The following RIMKLA variants were observed in gnomAD, a reference collection of about 807,000 sequenced individuals.
The protein encoded by RIMKLA is ribosomal modification protein rimK like family member A, also known as N-acetylaspartylglutamate synthase A.
A neutral mutation model predicts 32.7 loss-of-function variants in RIMKLA; 14 were observed. The observed-to-expected ratio is 0.43, with a 90% CI of 0.28 to 0.67. RIMKLA has a LOEUF of 0.67. Among genes scored for constraint, RIMKLA ranks in the 30% least tolerant of loss-of-function variants. RIMKLA has a pLI of 0.18. For missense variants in RIMKLA, 410 were observed against 519.0 expected (o/e 0.79, Z 2.04); for synonymous variants, 176 against 204.1 (o/e 0.86, Z 1.18).
chr1:42,417,008 T>G lies in RIMKLA; in HGVS notation c.*2034T>G, dbSNP rs1643254757. ...AAGATATGTACCTTATCTTTACCAC[T>G]CAGGGTGGCTTTAAAAGACGGACAG... On this transcript the variant is annotated 3_prime_UTR_variant, in exon 5 of 5. Transcript: ENST00000431473. 6.6e-6 allele frequency: 1 copy of G among 152,228 alleles called. No individual in the cohort carries two copies. Among genetic ancestry groups the G allele is most frequent in the African/African-American group, 2.4e-5 (1 of 41,462 alleles). The allele number at this position is 152,228 out of a possible 1,614,324, so 9.4% of individuals were successfully genotyped here.
At chr1:42,396,236 C>CAAAAAAAAAAAAAAAAAAAAAAAAAAAAA (rs11363612) in intron 1 of RIMKLA, among the ~76,000 whole-genome samples, 1 of 60,902 alleles carries the variant, frequency 1.6e-5, no homozygotes, top group Non-Finnish European at 2.7e-5. Flanking sequence ...AACTCCATCT[C>CAAAAAAAAAAAAAAAAAAAAAAAAAAAAA]AAAAAAAAAA....
intron 1 of RIMKLA, 114 bp downstream of exon 1, chr1:42,381,211 C>G (rs2148380310): frequency 1.3e-6 from 1 of 745,024 alleles, no homozygotes; most frequent in Admixed American, 4.3e-5. Flanking sequence ...GGCCCGCACA[C>G]TAGCCGCACT....
At chr1:42,391,612 A>G (rs1261071889) in intron 1 of RIMKLA, among the ~76,000 whole-genome samples, 4 of 152,160 alleles carry the variant, frequency 2.6e-5, no homozygotes, top group Non-Finnish European at 5.9e-5. Context: ...TTTTCTGTCC[A>G]TTGAGTTTCA....
chr1:42,415,129 G>A lies in RIMKLA; in HGVS notation c.*155G>A, dbSNP rs1334699534. ...TTTCTAACGATGATTTAAGCAAATG[G>A]CCTAGCTTTGTGGTTTTTACAAAGA... On this transcript the variant is annotated 3_prime_UTR_variant, in exon 5 of 5. Transcript: ENST00000431473. The A allele has an allele frequency of 1.3e-6, 1 of 780,200 alleles. No individual in the cohort carries two copies. The highest frequency in any genetic ancestry group is 2.6e-5 in the East Asian group (1 of 38,032). 48.3% of individuals were successfully genotyped at this position (780,200 alleles called of 1,614,324 possible).
rs992649463 is a variant in RIMKLA at position 42,423,634 on chromosome 1, G to A, written c.*8660G>A. Among the ~76,000 whole-genome samples, 2 of 152,222 alleles carry A rather than the reference G, an allele frequency of 1.3e-5. No homozygotes were observed. The highest frequency in any genetic ancestry group is 2.9e-5 in the Non-Finnish European group (2 of 68,042). On this transcript the variant is annotated 3_prime_UTR_variant, in exon 5 of 5. Coordinates refer to ENST00000431473, the MANE Select transcript of RIMKLA (RefSeq NM_173642.4). ...AGGCTGGCTGCAGATGCCTTTCCAA[G>A]TTGTGGGATCTTGGGATTTCCTCTC...
rs1643080035 is a variant in RIMKLA at position 42,399,623 on chromosome 1, C to A, written c.383C>A (p.Thr128Asn). The A allele has an allele frequency of 6.2e-7, 1 of 1,601,590 alleles. No homozygotes were observed. The highest frequency in any genetic ancestry group is 8.5e-7 in the Non-Finnish European group (1 of 1,172,102). Residue 128 changes from threonine (T) to asparagine (N), a missense_variant, in exon 2 of 5, where the codon ACC (threonine) becomes AAC (asparagine). Thr to Asn is a moderately conservative substitution (Grantham distance 65). Coordinates refer to ENST00000431473, the MANE Select transcript of RIMKLA (RefSeq NM_173642.4). ...GGACATGGGGTCCCCATGCCAGACA[C>A]CTTCTCCTATGGTGAGTCAGCTTGA... The part of the protein sequence containing the change: ...LAGHGVPMPD[T>N]FSYGGHEDFS...
At chr1:42,409,914 GAGGCC>G (rs1643182145) in intron 3 of RIMKLA, 65 bp from the exon 4 acceptor site, 21 of 1,196,344 alleles carry the variant, frequency 1.8e-5, no homozygotes. Context: ...TATGGACAAG[GAGGCC>G]AGATGGCAAG....
intron 2 of RIMKLA, among the ~76,000 whole-genome samples, chr1:42,402,172 T>C (rs1412349898): frequency 1.3e-5 from 2 of 152,156 alleles, no homozygotes; most frequent in Admixed American, 1.3e-4. Flanking sequence ...TCTAGAGTAT[T>C]TTGCTTTGCC....
At chr1:42,388,009 T>C (rs924526658) in intron 1 of RIMKLA, among the ~76,000 whole-genome samples, 1 of 152,078 alleles carries the variant, frequency 6.6e-6, no homozygotes, top group South Asian at 2.1e-4. Context: ...GCAAGCTGTT[T>C]AGATATCTGG....
chr1:42,414,608 GGTGT>G lies in RIMKLA; in HGVS notation c.814_817del (p.Cys272ArgfsTer9). The G allele has an allele frequency of 6.2e-7, 1 of 1,614,218 alleles. No individual in the cohort carries two copies. Among genetic ancestry groups the G allele is most frequent in the Non-Finnish European group, 8.5e-7 (1 of 1,180,040 alleles). On this transcript the variant is annotated frameshift_variant, in exon 5 of 5. Transcript: ENST00000431473. LOFTEE classifies it high-confidence loss of function. Reference sequence around the variant, plus strand: ...TTATCATGGACGATGGCTCCTTTGTGGTGTGTGAGGCAAATGCTAATGTTGGCTT... The same window carrying G: ...TTATCATGGACGATGGCTCCTTTGTGGTGAGGCAAATGCTAATGTTGGCTT...
intron 4 of RIMKLA, among the ~76,000 whole-genome samples, chr1:42,411,025 C>T (rs7418303): frequency 0.63 from 96,204 of 152,004 alleles, 30,926 homozygotes; most frequent in African/African-American, 0.7. Flanking sequence ...TCAGGTAGCA[C>T]GTGGTCCCAT....
At chr1:42,409,201 C>CAAAAAAAAAAAAAA (rs59543497) in intron 3 of RIMKLA, among the ~76,000 whole-genome samples, 6 of 64,496 alleles carry the variant, frequency 9.3e-5, no homozygotes, top group African/African-American at 4.0e-4. Flanking sequence ...GACTCTGTCT[C>CAAAAAAAAAAAAAA]AAAAAAAAAA....
At chr1:42,394,719 G>A (rs1425738343) in intron 1 of RIMKLA, among the ~76,000 whole-genome samples, 1 of 152,022 alleles carries the variant, frequency 6.6e-6, no homozygotes, top group East Asian at 1.9e-4. Context: ...ACATACAAAT[G>A]CGTAAGTCCA....
chr1:42,399,910 A>G (rs1334466521), intron 2 of RIMKLA, among the ~76,000 whole-genome samples: 1 of 152,260 alleles, frequency 6.6e-6, no homozygotes, highest in Non-Finnish European at 1.5e-5. Flanking sequence ...CCCTCAAGGC[A>G]TTCCCAGTTC....
rs1369965655 is a variant in RIMKLA, at chr1:42,385,763, CTTTCTT to C, written c.163+4668_163+4673del. On this transcript the variant is annotated intron_variant, in intron 1 of 4. Transcript: ENST00000431473. ...TCTTTCTTTCTTTCTTTCTTTCTTT[CTTTCTT>C]TGTTTCTTTGTTTGTTTGTTTCTTT... is the stretch of plus-strand genomic sequence containing the variant. Among the ~76,000 whole-genome samples the C allele has an allele frequency of 7.7e-4, 71 of 92,692 alleles. 2 individuals are homozygous for C. Among genetic ancestry groups the C allele is most frequent in the Non-Finnish European group, 1.4e-3 (58 of 42,228 alleles). 60.8% of individuals were successfully genotyped at this position (92,692 alleles called of 152,430 possible). A position where few individuals can be genotyped will look rare whatever the true frequency, so the allele number is the denominator to read the frequency against.
At chr1:42,398,118 G>A (rs559574277) in intron 1 of RIMKLA, among the ~76,000 whole-genome samples, 56 of 152,272 alleles carry the variant, frequency 3.7e-4, no homozygotes, top group Admixed American at 2.7e-3. Flanking sequence ...AGTGCCTACC[G>A]TGCAGCAGGC....
intron 3 of RIMKLA, among the ~76,000 whole-genome samples, chr1:42,409,743 T>C (rs936638199): frequency 6.6e-6 from 1 of 152,182 alleles, no homozygotes. Flanking sequence ...GGAATAATCA[T>C]TAAGTCATTT....
chr1:42,387,093 TAGCC>T (rs996180374), intron 1 of RIMKLA, among the ~76,000 whole-genome samples: 8 of 143,922 alleles, frequency 5.6e-5, no homozygotes, highest in African/African-American at 1.8e-4. Context: ...AAATAAATAT[TAGCC>T]AGGCATGGTG....
chr1:42,387,879 A>AAG (rs35914531), intron 1 of RIMKLA, among the ~76,000 whole-genome samples: 60,230 of 151,868 alleles, frequency 0.4, 12,539 homozygotes, highest in Middle Eastern at 0.55. Context: ...GCAAGAAAAA[A>AAG]AGAAGAAAAC....
Sources: gnomAD v4.1 joint callset for allele counts (sites outside exome capture counted in the v4.1 genomes callset) on GRCh38, gnomAD v4.1.1 for gene constraint, MANE v1.5 for transcripts, NCBI Gene and HGNC (gene_info 2026-07-23, HGNC 2026-07-21) for gene names.